CADPS2: variants seen among roughly 807,000 people sequenced by gnomAD.
The protein encoded by CADPS2 is calcium dependent secretion activator 2.
A neutral mutation model predicts 172.5 loss-of-function variants in CADPS2; 93 were observed. The observed-to-expected ratio is 0.54, with a 90% CI of 0.46 to 0.64. The LOEUF (loss-of-function observed/expected upper bound fraction) is 0.64. Ranked by LOEUF, CADPS2 falls within the 30% of genes least tolerant of loss-of-function variation. The pLI is 0.00. For missense variants in CADPS2, 1,420 were observed against 1,565.9 expected (o/e 0.91, Z 1.57); for synonymous variants, 546 against 555.2 (o/e 0.98, Z 0.23).
At chr7:122,758,840 C>G (rs1453508084) in intron 1 of CADPS2, among the ~76,000 whole-genome samples, 1 of 151,882 alleles carries the variant, frequency 6.6e-6, no homozygotes, top group Non-Finnish European at 1.5e-5. Context: ...CGTTTTTAAA[C>G]TAATCTTCAT....
At chr7:122,507,687 C>A (rs182103819) in intron 9 of CADPS2, among the ~76,000 whole-genome samples, 25 of 152,232 alleles carry the variant, frequency 1.6e-4, no homozygotes, top group Admixed American at 1.5e-3. Context: ...AATAGATTAT[C>A]CCACAATGTG....
At chr7:122,606,793 C>T (rs1298680865) in intron 6 of CADPS2, among the ~76,000 whole-genome samples, 2 of 151,962 alleles carry the variant, frequency 1.3e-5, no homozygotes, top group Non-Finnish European at 2.9e-5. Context: ...GGATCTTCCA[C>T]CTTATTTGAG....
At chr7:122,475,474 C>T (rs889466070) in intron 12 of CADPS2, among the ~76,000 whole-genome samples, 2 of 152,104 alleles carry the variant, frequency 1.3e-5, no homozygotes, top group Admixed American at 1.3e-4. Flanking sequence ...TAAATGTAAG[C>T]TAAGTGTAGT....
intron 7 of CADPS2, among the ~76,000 whole-genome samples, chr7:122,573,190 C>T (rs1045465131): frequency 1.8e-4 from 27 of 152,080 alleles, no homozygotes; most frequent in African/African-American, 6.3e-4. Flanking sequence ...ATACTCCCTC[C>T]TTGGCATACC....
intron 1 of CADPS2, among the ~76,000 whole-genome samples, chr7:122,881,543 A>C (rs1822937492): frequency 6.6e-6 from 1 of 152,170 alleles, no homozygotes; most frequent in Non-Finnish European, 1.5e-5. Context: ...AGCAGCAAAT[A>C]TCACAACCCA....
At chr7:122,798,708 C>A (rs983454814) in intron 1 of CADPS2, among the ~76,000 whole-genome samples, 18 of 152,042 alleles carry the variant, frequency 1.2e-4, no homozygotes, top group Non-Finnish European at 1.6e-4. Flanking sequence ...TCTAGAGAAA[C>A]TTCTGTTTTA....
intron 17 of CADPS2, among the ~76,000 whole-genome samples, chr7:122,418,166 T>C (rs1173102465): frequency 6.9e-6 from 1 of 145,880 alleles, no homozygotes; most frequent in Non-Finnish European, 1.5e-5. Context: ...GGAGACTCCA[T>C]CTCAAAAAAA....
intron 2 of CADPS2, among the ~76,000 whole-genome samples, chr7:122,721,439 A>T (rs1025549036): frequency 6.6e-6 from 1 of 152,194 alleles, no homozygotes; most frequent in Non-Finnish European, 1.5e-5. Context: ...GAAAATCTAG[A>T]AGAAATGGAT....
intron 14 of CADPS2, among the ~76,000 whole-genome samples, chr7:122,469,985 G>A (rs1026975135): frequency 6.6e-6 from 1 of 152,194 alleles, no homozygotes. Flanking sequence ...CTGGAAAAAA[G>A]AAAAACATGG....
chr7:122,364,884 G>C (rs1158342091), intron 25 of CADPS2, among the ~76,000 whole-genome samples: 2 of 152,146 alleles, frequency 1.3e-5, no homozygotes, highest in Non-Finnish European at 2.9e-5. Flanking sequence ...CATGACACAA[G>C]GCAGAAGTGT....
At chr7:122,804,993 A>G (rs1321118388) in intron 1 of CADPS2, among the ~76,000 whole-genome samples, 1 of 152,162 alleles carries the variant, frequency 6.6e-6, no homozygotes, top group Non-Finnish European at 1.5e-5. Context: ...ACTCTGTTAT[A>G]CTCATTTAGA....
intron 25 of CADPS2, chr7:122,369,579 C>T (rs1025022381): frequency 1.3e-5 from 2 of 152,232 alleles, no homozygotes; most frequent in African/African-American, 4.8e-5. Context: ...CATATCCCTC[C>T]TCTGAGCTCC....
intron 3 of CADPS2, among the ~76,000 whole-genome samples, chr7:122,648,276 C>A (rs75717637): frequency 0.011 from 1,602 of 152,142 alleles, 22 homozygotes; most frequent in African/African-American, 0.037. Context: ...GAGCTCTAGA[C>A]CCTCCCAAAG....
chr7:122,500,239 T>A (rs937575767), intron 9 of CADPS2, among the ~76,000 whole-genome samples: 1 of 152,212 alleles, frequency 6.6e-6, no homozygotes, highest in African/African-American at 2.4e-5. Flanking sequence ...TGTTTGTCAT[T>A]TTTTTGTTTC....
chr7:122,368,932 C>A lies in CADPS2; in HGVS notation c.3388-7919G>T, dbSNP rs569512885. ...GGAAAATAAGTCATGTGAGGACACC[C>A]AGCTGGTAACATAAGAAAATGGGAC... On this transcript the variant is annotated intron_variant, in intron 25 of 29. Coordinates refer to ENST00000449022, the MANE Select transcript of CADPS2 (RefSeq NM_017954.11). Among the ~76,000 whole-genome samples the A allele has an allele frequency of 4.2e-4, 64 of 152,214 alleles. No individual in the cohort carries two copies. In the Middle Eastern group the frequency reaches 0.01, roughly 24 times the overall value.
chr7:122,597,277 A>C (rs2071967381), intron 6 of CADPS2, among the ~76,000 whole-genome samples: 1 of 152,132 alleles, frequency 6.6e-6, no homozygotes, highest in Admixed American at 6.6e-5. Context: ...GTCCTGCCTC[A>C]CATAATTACT....
chr7:122,519,149 G>T (rs1038588622), intron 8 of CADPS2, among the ~76,000 whole-genome samples: 1 of 151,860 alleles, frequency 6.6e-6, no homozygotes, highest in Non-Finnish European at 1.5e-5. Context: ...ATTTGAATGG[G>T]GTTAAAAGAG....
intron 16 of CADPS2, 72 bp from the exon 17 acceptor site, chr7:122,438,536 T>C (rs2050952027): frequency 3.3e-6 from 5 of 1,510,882 alleles, no homozygotes; most frequent in Non-Finnish European, 2.7e-6. Context: ...AAGACAGATG[T>C]TGCATAAAAT....
Position 122,365,340 on chromosome 7 carries a change from A to T in CADPS2, c.3388-4327T>A, listed in dbSNP as rs1174217148. Among the ~76,000 whole-genome samples, 3 of 152,190 alleles carry T rather than the reference A, an allele frequency of 2.0e-5. No individual in the cohort carries two copies. In the East Asian group the frequency reaches 5.8e-4, roughly 29 times the overall value. Reference sequence around the variant, plus strand: ...AGTGAGCAGCGACAGCACCTGTGGGATTAACCAGCTGAGGTGTACAGTTCC... The same window carrying T: ...AGTGAGCAGCGACAGCACCTGTGGGTTTAACCAGCTGAGGTGTACAGTTCC... On this transcript the variant is annotated intron_variant, in intron 25 of 29. Transcript: ENST00000449022.
Sources: allele counts gnomAD v4.1 joint callset (sites outside exome capture counted in the v4.1 genomes callset), GRCh38; gene constraint gnomAD v4.1.1; transcripts MANE v1.5; gene names NCBI Gene and HGNC (gene_info 2026-07-23, HGNC 2026-07-21).